ZNF385D: variants seen among roughly 807,000 people sequenced by gnomAD.
The protein encoded by ZNF385D is zinc finger protein 659.
Under a neutral mutation model 35.8 loss-of-function variants are expected in ZNF385D, and 15 were observed. The observed-to-expected ratio is 0.42, with a 90% CI of 0.28 to 0.64. The LOEUF (loss-of-function observed/expected upper bound fraction) is 0.64, where lower values mean the gene tolerates loss of function less well. ZNF385D is among the 30% of genes least tolerant of loss of function. The pLI is 0.23. For missense variants in ZNF385D, 474 were observed against 494.6 expected, an observed-to-expected ratio of 0.96 and a Z score of 0.39; for synonymous variants, 212 against 186.8, an observed-to-expected ratio of 1.13 and a Z score of -1.10.
intron 1 of ZNF385D, among the ~76,000 whole-genome samples, chr3:21,669,918 T>A (rs955003676): frequency 2.6e-5 from 4 of 152,054 alleles, no homozygotes; most frequent in African/African-American, 9.7e-5. Context: ...GGTGGTTTTC[T>A]CTCCATAATA....
chr3:21,463,250 C>T (rs536355096), intron 4 of ZNF385D, among the ~76,000 whole-genome samples: 2 of 151,996 alleles, frequency 1.3e-5, no homozygotes, highest in South Asian at 4.1e-4. Context: ...ACAGATACTA[C>T]ATTCAATATG....
chr3:22,224,324 C>T (rs1252166388), intron 2 of ZNF385D, among the ~76,000 whole-genome samples: 1 of 152,008 alleles, frequency 6.6e-6, no homozygotes, highest in Admixed American at 6.6e-5. Context: ...TGCTACTTAC[C>T]AGCTTAGTGT....
chr3:21,620,594 G>T (rs2125812376), intron 2 of ZNF385D, among the ~76,000 whole-genome samples: 1 of 152,234 alleles, frequency 6.6e-6, no homozygotes, highest in South Asian at 2.1e-4. Context: ...GCATCAGGTA[G>T]CACTGAATGT....
At chr3:21,931,382 T>G (rs541241583) in intron 3 of ZNF385D, among the ~76,000 whole-genome samples, 9 of 152,334 alleles carry the variant, frequency 5.9e-5, no homozygotes, top group African/African-American at 2.2e-4. Context: ...GAAAATAATT[T>G]GGCAATTTCT....
At chr3:21,792,231 T>C (rs2071960934) in intron 3 of ZNF385D, among the ~76,000 whole-genome samples, 2 of 152,220 alleles carry the variant, frequency 1.3e-5, no homozygotes, top group Admixed American at 6.5e-5. Context: ...GATTTTAATA[T>C]TCAATGACAA....
intron 2 of ZNF385D, among the ~76,000 whole-genome samples, chr3:21,627,908 T>A (rs1272655427): frequency 6.6e-6 from 1 of 152,128 alleles, no homozygotes; most frequent in South Asian, 2.1e-4. Context: ...TATAATCTTA[T>A]CTAGAGTTTA....
At chr3:21,928,948 A>G (rs1403058555) in intron 3 of ZNF385D, among the ~76,000 whole-genome samples, 1 of 152,192 alleles carries the variant, frequency 6.6e-6, no homozygotes, top group Non-Finnish European at 1.5e-5. Context: ...GGAAACAGAG[A>G]AGGTGAGAAC....
chr3:22,199,011 A>T (rs530084351), intron 2 of ZNF385D, among the ~76,000 whole-genome samples: 1 of 152,242 alleles, frequency 6.6e-6, no homozygotes, highest in Non-Finnish European at 1.5e-5. Flanking sequence ...AATAAGTCTC[A>T]TGATTATTGA....
At chr3:22,125,917 C>T (rs917426034) in intron 3 of ZNF385D, among the ~76,000 whole-genome samples, 17 of 152,076 alleles carry the variant, frequency 1.1e-4, no homozygotes, top group Admixed American at 4.6e-4. Context: ...TTTCTCTTCC[C>T]TGATTCATCT....
At chr3:21,807,869 A>G (rs938301645) in intron 3 of ZNF385D, among the ~76,000 whole-genome samples, 2 of 152,198 alleles carry the variant, frequency 1.3e-5, no homozygotes, top group African/African-American at 4.8e-5. Context: ...CTAGTTGCTT[A>G]CCCTAAATTC....
rs573807055 is a variant in ZNF385D, at chr3:21,601,886, T to C, written c.166-37202A>G. On this transcript the variant is annotated intron_variant, in intron 2 of 7. Transcript: ENST00000281523. ...TCCAACTGGAGCACTTTCCCCAACA[T>C]TGTCATCATCCAGTCATTTGGTCTT... Among the ~76,000 whole-genome samples the C allele has an allele frequency of 5.3e-5, 8 of 152,258 alleles. No individual in the cohort carries two copies. In the South Asian group the frequency reaches 1.7e-3, roughly 32 times the overall value.
chr3:21,527,371 T>TACCTTCGTACAGTACAG (rs1708290022), intron 3 of ZNF385D, among the ~76,000 whole-genome samples: 1 of 152,168 alleles, frequency 6.6e-6, no homozygotes, highest in Non-Finnish European at 1.5e-5. Flanking sequence ...AAACAAGCTA[T>TACCTTCGTACAGTACAG]AAACATGAAG....
intron 3 of ZNF385D, among the ~76,000 whole-genome samples, chr3:21,781,838 AT>A (rs113891548): frequency 0.42 from 63,107 of 151,804 alleles, 13,617 homozygotes; most frequent in Middle Eastern, 0.51. Context: ...GGTGAATCAA[AT>A]AATTGACCAC....
chr3:21,956,492 G>T (rs1014480642), intron 3 of ZNF385D, among the ~76,000 whole-genome samples: 4 of 151,950 alleles, frequency 2.6e-5, no homozygotes, highest in Non-Finnish European at 4.4e-5. Context: ...ATGTAAAAGG[G>T]AGACAACTAA....
intron 3 of ZNF385D, among the ~76,000 whole-genome samples, chr3:21,877,304 G>C (rs1698031228): frequency 6.6e-6 from 1 of 152,052 alleles, no homozygotes; most frequent in Admixed American, 6.6e-5. Context: ...ACAGCCTGAA[G>C]TAGGGCCTCA....
chr3:22,230,561 T>C (rs1415372780), intron 2 of ZNF385D, among the ~76,000 whole-genome samples: 1 of 152,100 alleles, frequency 6.6e-6, no homozygotes, highest in Non-Finnish European at 1.5e-5. Context: ...CCCCTAATAC[T>C]GGAAAAAATA....
intron 3 of ZNF385D, among the ~76,000 whole-genome samples, chr3:22,164,216 CTTTTTTTTTTT>C (rs571978176): frequency 6.7e-4 from 50 of 74,944 alleles, no homozygotes; most frequent in East Asian, 3.5e-3. Flanking sequence ...AAAAGGAGCA[CTTTTTTTTTTT>C]TTTTTTTTTT....
intron 2 of ZNF385D, among the ~76,000 whole-genome samples, chr3:21,644,020 C>T (rs1490662087): frequency 6.6e-6 from 1 of 152,138 alleles, no homozygotes. Flanking sequence ...TGCCCCTTGA[C>T]ATTTTTAAAG....
At position 21,735,155 on chromosome 3, in the gene ZNF385D, A is replaced by G. The variant is rs572350515; in HGVS notation, c.22+15740T>C. Among the ~76,000 whole-genome samples, 214 of 152,316 alleles carry G rather than the reference A, an allele frequency of 1.4e-3. 1 individual carries two copies. Among genetic ancestry groups the G allele is most frequent in the African/African-American group, 5.0e-3 (209 of 41,558 alleles). The stretch of plus-strand genomic sequence containing the variant: ...GCTGGAGGTTTGAATTCAGTAAGCA[A>G]AGAGTCACCTTCTTGTTCCTCCACA... On this transcript the variant is annotated intron_variant, in intron 1 of 7. Transcript: ENST00000281523.
Sources: allele counts gnomAD v4.1 joint callset (sites outside exome capture counted in the v4.1 genomes callset), GRCh38; gene constraint gnomAD v4.1.1; transcripts MANE v1.5; gene names NCBI Gene and HGNC (gene_info 2026-07-23, HGNC 2026-07-21).